Variants in JAK2 observed in about 807,000 individuals in gnomAD.
JAK2 encodes tyrosine-protein kinase JAK2.
JAK2 carries 86 observed loss-of-function variants against 139.3 expected under a neutral mutation model. The observed-to-expected ratio is 0.62, with a 90% CI of 0.52 to 0.74. The LOEUF (loss-of-function observed/expected upper bound fraction) is 0.74. Ranked by LOEUF, JAK2 falls within the 30% of genes least tolerant of loss-of-function variation. The pLI, the probability that JAK2 is intolerant of heterozygous loss-of-function variation, is 0.00. For synonymous variants in JAK2, 490 were observed against 437.7 expected (o/e 1.12, Z -1.49); for missense variants, 1,421 against 1,360.3 (o/e 1.04, Z -0.70).
At chr9:5,066,644 T>G in intron 9 of JAK2, 34 bp from the exon 10 acceptor site, 1 of 1,114,540 alleles carries the variant, frequency 9.0e-7, no homozygotes, top group Non-Finnish European at 1.4e-6. Context: ...TGGTGCTTGA[T>G]ATATTATTCA....
intron 4 of JAK2, among the ~76,000 whole-genome samples, chr9:5,043,701 C>G (rs890337588): frequency 2.6e-5 from 4 of 152,192 alleles, no homozygotes; most frequent in African/African-American, 9.7e-5. Flanking sequence ...ACCCAAATGT[C>G]TGTCAGGCGA....
chr9:5,086,077 A>C, intron 19 of JAK2: 1 of 663,020 alleles, frequency 1.5e-6, no homozygotes, highest in Non-Finnish European at 2.8e-6. Flanking sequence ...ATCTGAGACA[A>C]GTCAAGTCCC....
intron 22 of JAK2, chr9:5,111,049 G>C (rs1000363760): frequency 1.0e-6 from 1 of 1,004,002 alleles, no homozygotes; most frequent in African/African-American, 1.6e-5. Flanking sequence ...GCAATTCAGA[G>C]GTTCAGGTCT....
chr9:5,001,174 C>G (rs374144086), intron 2 of JAK2, among the ~76,000 whole-genome samples: 4 of 152,128 alleles, frequency 2.6e-5, no homozygotes, highest in African/African-American at 9.7e-5. Context: ...TCATTTCAAT[C>G]TCTATGTCTT....
At chr9:5,008,213 A>C (rs1195376433) in intron 2 of JAK2, among the ~76,000 whole-genome samples, 2 of 152,190 alleles carry the variant, frequency 1.3e-5, no homozygotes, top group African/African-American at 4.8e-5. Flanking sequence ...AATATATAAA[A>C]TGTTTGCTTG....
intron 14 of JAK2, 101 bp downstream of exon 14, chr9:5,073,886 C>A: frequency 1.4e-6 from 1 of 734,308 alleles, no homozygotes; most frequent in Non-Finnish European, 2.3e-6. Context: ...TCAGTGTAAA[C>A]TATAATTTAA....
chr9:5,081,945 C>G (rs963730696), intron 19 of JAK2, 84 bp downstream of exon 19: 1 of 1,180,458 alleles, frequency 8.5e-7, no homozygotes, highest in African/African-American at 1.6e-5. Flanking sequence ...TCACTTTCTA[C>G]AACATTTTAA....
chr9:5,028,751 G>C (rs542364432), intron 3 of JAK2, among the ~76,000 whole-genome samples: 1 of 152,296 alleles, frequency 6.6e-6, no homozygotes, highest in South Asian at 2.1e-4. Context: ...TAAACCTCAT[G>C]AACCAGCCTC....
chr9:5,025,253 T>C (rs1350142999), intron 3 of JAK2, among the ~76,000 whole-genome samples: 1 of 152,216 alleles, frequency 6.6e-6, no homozygotes, highest in Non-Finnish European at 1.5e-5. Context: ...TTAAGATTTT[T>C]CTATCTATAT....
intron 14 of JAK2, among the ~76,000 whole-genome samples, chr9:5,076,313 A>G (rs2130574606): frequency 6.6e-6 from 1 of 152,290 alleles, no homozygotes; most frequent in African/African-American, 2.4e-5. Flanking sequence ...ATTGCATGCT[A>G]CAGAGAAATC....
At position 5,128,193 on chromosome 9, in the gene JAK2, G is replaced by GTATGT. The variant is rs1457607584; in HGVS notation, c.*1404_*1408dup. The GTATGT allele has an allele frequency of 4.4e-6, 1 of 229,546 alleles. No individual in the cohort carries two copies. Among genetic ancestry groups the GTATGT allele is most frequent in the Non-Finnish European group, 8.6e-6 (1 of 116,020 alleles). 14.2% of individuals were successfully genotyped at this position (229,546 alleles called of 1,614,324 possible). A position where few individuals can be genotyped will look rare whatever the true frequency, so the allele number is the denominator to read the frequency against. ...ATAGTTTCTTACTTTATTTTTACTG[G>GTATGT]TATGTTCTACTTTTTTGAAAGTTGT... is the stretch of plus-strand genomic sequence containing the variant. On this transcript the variant is annotated 3_prime_UTR_variant, in exon 25 of 25. Transcript: ENST00000381652.
At chr9:5,026,011 CT>C (rs1445342978) in intron 3 of JAK2, among the ~76,000 whole-genome samples, 1 of 152,216 alleles carries the variant, frequency 6.6e-6, no homozygotes, top group Non-Finnish European at 1.5e-5. Context: ...ATCTGTGCCT[CT>C]TTTTTTCTTA....
chr9:5,019,053 T>C (rs1381286610), intron 2 of JAK2, among the ~76,000 whole-genome samples: 1 of 152,210 alleles, frequency 6.6e-6, no homozygotes, highest in Non-Finnish European at 1.5e-5. Flanking sequence ...TGGAATTTTG[T>C]CTTTTTGGGG....
intron 2 of JAK2, among the ~76,000 whole-genome samples, chr9:4,988,468 CTAAG>C (rs1289476221): frequency 6.6e-6 from 1 of 152,218 alleles, no homozygotes. Flanking sequence ...GACATAACTA[CTAAG>C]TAAGTTGTTC....
chr9:5,116,683 G>A (rs983752820), intron 22 of JAK2, among the ~76,000 whole-genome samples: 1 of 152,106 alleles, frequency 6.6e-6, no homozygotes, highest in Non-Finnish European at 1.5e-5. Flanking sequence ...TACTATACAG[G>A]GAGGTAGGGA....
chr9:5,106,584 T>C (rs1821972944), intron 22 of JAK2, among the ~76,000 whole-genome samples: 1 of 152,188 alleles, frequency 6.6e-6, no homozygotes, highest in Non-Finnish European at 1.5e-5. Context: ...CATGCTGCTA[T>C]AAAGACACAT....
chr9:5,005,374 G>A (rs1244130196), intron 2 of JAK2, among the ~76,000 whole-genome samples: 3 of 151,734 alleles, frequency 2.0e-5, no homozygotes, highest in Admixed American at 6.6e-5. Context: ...CTTATCATAT[G>A]GATGGCTTGA....
chr9:5,001,151 A>T (rs922428909), intron 2 of JAK2, among the ~76,000 whole-genome samples: 4 of 152,184 alleles, frequency 2.6e-5, no homozygotes, highest in Non-Finnish European at 5.9e-5. Context: ...GCAAATAAAA[A>T]GTTTTATTTC....
chr9:5,091,066 A>C (rs1422962330), intron 22 of JAK2, 155 bp downstream of exon 22: 2 of 565,972 alleles, frequency 3.5e-6, no homozygotes, highest in East Asian at 6.2e-5. Flanking sequence ...TAGGTCTTAT[A>C]GTCATGGTTA....
Sources: gnomAD v4.1 joint callset for allele counts (sites outside exome capture counted in the v4.1 genomes callset) on GRCh38, gnomAD v4.1.1 for gene constraint, MANE v1.5 for transcripts, NCBI Gene and HGNC (gene_info 2026-07-23, HGNC 2026-07-21) for gene names.